The following DCC variants were observed in gnomAD, a reference collection of about 807,000 sequenced individuals.
The protein encoded by DCC is netrin receptor DCC.
In DCC, 58 loss-of-function variants were observed where a neutral mutation model predicts 172.5. That is an observed-to-expected ratio of 0.34 (90% CI 0.27 to 0.42). The LOEUF (loss-of-function observed/expected upper bound fraction) is 0.42, where lower values mean the gene tolerates loss of function less well. Ranked by LOEUF, DCC falls within the 10% of genes least tolerant of loss-of-function variation. DCC has a pLI of 1.00. For missense variants in DCC, 1,740 were observed against 1,791.0 expected, an observed-to-expected ratio of 0.97 and a Z score of 0.51; for synonymous variants, 709 against 644.5, an observed-to-expected ratio of 1.10 and a Z score of -1.52.
At chr18:53,397,129 ATC>A (rs1909001843) in intron 17 of DCC, among the ~76,000 whole-genome samples, 177 bp from the exon 18 acceptor site, 3 of 151,752 alleles carry the variant, frequency 2.0e-5, no homozygotes, top group African/African-American at 7.3e-5. Context: ...TAAATGTATA[ATC>A]AGCCAGCGTG....
intron 7 of DCC, among the ~76,000 whole-genome samples, chr18:53,149,110 C>T (rs2043961896): frequency 6.6e-6 from 1 of 152,060 alleles, no homozygotes; most frequent in South Asian, 2.1e-4. Context: ...ATCCACCCGC[C>T]TCGGCCTCCC....
intron 7 of DCC, among the ~76,000 whole-genome samples, chr18:53,135,488 A>G (rs1471754385): frequency 1.3e-5 from 2 of 152,182 alleles, no homozygotes; most frequent in Non-Finnish European, 2.9e-5. Context: ...ACATCTGAAT[A>G]TAATTGTCTA....
chr18:52,509,130 G>A (rs542068516), intron 1 of DCC, among the ~76,000 whole-genome samples: 1 of 152,252 alleles, frequency 6.6e-6, no homozygotes, highest in African/African-American at 2.4e-5. Context: ...TCTAGAAATA[G>A]ATAAAATATT....
At chr18:52,375,140 A>G (rs1985292765) in intron 1 of DCC, among the ~76,000 whole-genome samples, 1 of 152,240 alleles carries the variant, frequency 6.6e-6, no homozygotes, top group East Asian at 1.9e-4. Context: ...CTTATTAAAA[A>G]TAAACCCAGA....
intron 15 of DCC, among the ~76,000 whole-genome samples, chr18:53,382,069 A>AACAGAC (rs1555661813): frequency 1.8e-4 from 22 of 122,948 alleles, no homozygotes; most frequent in African/African-American, 6.0e-4. Context: ...GATTAAAAAC[A>AACAGAC]ACACACACAC....
intron 24 of DCC, among the ~76,000 whole-genome samples, chr18:53,465,243 C>CT (rs527307532): frequency 0.07 from 10,099 of 144,126 alleles, 575 homozygotes; most frequent in African/African-American, 0.16. Context: ...ATTCCATTAG[C>CT]TTTTTTTTTT....
At chr18:52,813,182 T>C (rs1057240323) in intron 2 of DCC, among the ~76,000 whole-genome samples, 1 of 150,422 alleles carries the variant, frequency 6.6e-6, no homozygotes, top group African/African-American at 2.5e-5. Flanking sequence ...GGAAAAATCT[T>C]CTTAAATTTT....
At chr18:52,450,875 C>CA (rs914919799) in intron 1 of DCC, among the ~76,000 whole-genome samples, 64 of 151,842 alleles carry the variant, frequency 4.2e-4, no homozygotes, top group African/African-American at 1.5e-3. Flanking sequence ...GAAAATTAAC[C>CA]AAAAAAATCC....
rs148218686 is a variant in DCC, at chr18:52,580,093, G to A, written c.92-171961G>A. 6.7e-3 allele frequency among the ~76,000 whole-genome samples: 1,021 copies of A among 152,264 alleles called. 7 individuals carry two copies. The highest frequency in any genetic ancestry group is 0.012 in the Non-Finnish European group (784 of 68,012). On this transcript the variant is annotated intron_variant, in intron 1 of 28. Coordinates refer to ENST00000442544, the MANE Select transcript of DCC (RefSeq NM_005215.4). Reference sequence around the variant, plus strand: ...TTTTCTTCTAGATAAATCACGACCCGCACTCTTAGCCTCTGTGCTGCAAGT... The same window carrying A: ...TTTTCTTCTAGATAAATCACGACCCACACTCTTAGCCTCTGTGCTGCAAGT...
At chr18:52,470,080 A>G (rs971447138) in intron 1 of DCC, among the ~76,000 whole-genome samples, 3 of 152,248 alleles carry the variant, frequency 2.0e-5, no homozygotes, top group Admixed American at 1.3e-4. Flanking sequence ...TCAAATATGT[A>G]TTTGATTGTG....
At chr18:53,505,733 C>T (rs971663544) in intron 27 of DCC, among the ~76,000 whole-genome samples, 10 of 151,998 alleles carry the variant, frequency 6.6e-5, no homozygotes, top group African/African-American at 1.7e-4. Flanking sequence ...AGACATAATT[C>T]GAAACATGTA....
chr18:52,568,682 G>C (rs2033221709), intron 1 of DCC, among the ~76,000 whole-genome samples: 1 of 151,824 alleles, frequency 6.6e-6, no homozygotes, highest in Admixed American at 6.6e-5. Context: ...CTATGTGTGT[G>C]TGCTTACACA....
intron 1 of DCC, among the ~76,000 whole-genome samples, chr18:52,404,320 C>T (rs3862681): frequency 0.77 from 116,607 of 151,918 alleles, 45,000 homozygotes; most frequent in Middle Eastern, 0.81. Context: ...TATGCTTTTA[C>T]TGAAGAGAAT....
chr18:52,880,429 G>C (rs76765045), intron 2 of DCC, among the ~76,000 whole-genome samples: 3,283 of 152,178 alleles, frequency 0.022, 124 homozygotes, highest in African/African-American at 0.075. Context: ...GATTACAGGC[G>C]TTAGCCACCT....
intron 2 of DCC, among the ~76,000 whole-genome samples, chr18:52,878,560 C>T (rs2039435827): frequency 6.6e-6 from 1 of 152,118 alleles, no homozygotes; most frequent in African/African-American, 2.4e-5. Flanking sequence ...TCTGACCTCC[C>T]CATTTAAAAT....
At chr18:53,048,680 T>A (rs181558189) in intron 5 of DCC, among the ~76,000 whole-genome samples, 2 of 151,198 alleles carry the variant, frequency 1.3e-5, no homozygotes, top group African/African-American at 4.8e-5. Flanking sequence ...ATATGATATA[T>A]ATATATACCT....
At chr18:53,039,850 C>T (rs1283738974) in intron 5 of DCC, among the ~76,000 whole-genome samples, 5 of 151,968 alleles carry the variant, frequency 3.3e-5, no homozygotes, top group Admixed American at 2.0e-4. Flanking sequence ...GCAATGATCA[C>T]ACCATATAGG....
intron 7 of DCC, among the ~76,000 whole-genome samples, chr18:53,119,511 G>C (rs2043453506): frequency 6.6e-6 from 1 of 151,766 alleles, no homozygotes; most frequent in Non-Finnish European, 1.5e-5. Flanking sequence ...GTAGAAATTA[G>C]AAACCTTAGC....
intron 2 of DCC, among the ~76,000 whole-genome samples, chr18:52,824,640 G>A (rs1449032982): frequency 6.6e-6 from 1 of 152,118 alleles, no homozygotes; most frequent in Non-Finnish European, 1.5e-5. Context: ...AAAGATGACA[G>A]AACCCTTCAT....
Sources: allele counts gnomAD v4.1 joint callset (sites outside exome capture counted in the v4.1 genomes callset), GRCh38; gene constraint gnomAD v4.1.1; transcripts MANE v1.5; gene names NCBI Gene and HGNC (gene_info 2026-07-23, HGNC 2026-07-21).